Variants in SLC2A1 observed in about 807,000 individuals in gnomAD.
The protein encoded by SLC2A1 is solute carrier family 2 member 1.
Under a neutral mutation model 46.6 loss-of-function variants are expected in SLC2A1, and 4 were observed. That is an observed-to-expected ratio of 0.09 (90% CI 0.04 to 0.20). The LOEUF (loss-of-function observed/expected upper bound fraction) is 0.20, where lower values mean the gene tolerates loss of function less well. SLC2A1 is among the 10% of genes least tolerant of loss of function. SLC2A1 has a pLI of 1.00. For synonymous variants in SLC2A1, 253 were observed against 270.0 expected, an observed-to-expected ratio of 0.94 and a Z score of 0.62; for missense variants, 352 against 667.0, an observed-to-expected ratio of 0.53 and a Z score of 5.20.
rs1166067644 is a variant in SLC2A1, at chr1:42,945,738, C to CAAAAAAAAA, written c.19-2426_19-2418dup. 3.9e-3 allele frequency among the ~76,000 whole-genome samples: 447 copies of CAAAAAAAAA among 115,412 alleles called. 4 individuals are homozygous for CAAAAAAAAA. The highest frequency in any genetic ancestry group is 0.012 in the African/African-American group (421 of 35,142). The allele number at this position is 115,412 out of a possible 152,430, so 75.7% of individuals were successfully genotyped here. On this transcript the variant is annotated intron_variant, in intron 1 of 9. Coordinates refer to ENST00000426263, the MANE Select transcript of SLC2A1 (RefSeq NM_006516.4). ...CTGGGCGACAGAGCAGACTCTGTCT[C>CAAAAAAAAA]AAAAAAAAAAAAAAACAAAAAACAA...
rs1643437594 is a variant in SLC2A1 at position 42,927,305 on chromosome 1, G to A, written c.1279-64C>T. 1.3e-6 allele frequency: 2 copies of A among 1,488,730 alleles called. No individual in the cohort carries two copies. The highest frequency in any genetic ancestry group is 1.9e-6 in the Non-Finnish European group (2 of 1,069,758). The allele number at this position is 1,488,730 out of a possible 1,614,324, so 92.2% of individuals were successfully genotyped here. On this transcript the variant is annotated intron_variant, in intron 9 of 9. Transcript: ENST00000426263. This position sits in a 1 kb window ranked among gnomAD's most constrained non-coding sequence, Gnocchi z 5.3. Reference sequence around the variant, plus strand: ...CCTACATCCTGGCTGTAGGACTTTGGATAAGTCACTTTACCTTTGGGCCTT... The same window carrying A: ...CCTACATCCTGGCTGTAGGACTTTGAATAAGTCACTTTACCTTTGGGCCTT...
rs773791632 is a variant in SLC2A1, at chr1:42,943,236, G to A, written c.104C>T (p.Ala35Val). 6.2e-7 allele frequency: 1 copy of A among 1,610,842 alleles called. No homozygotes were observed. Among genetic ancestry groups the A allele is most frequent in the Non-Finnish European group, 8.5e-7 (1 of 1,177,290 alleles). ...QFGYNTGVIN[A>V]PQKVIEEFYN... ...TGGCACAGTACTCACCTTCTGGGGG[G>A]CATTGATGACTCCAGTGTTGTAGCC... The change falls in exon 2 of 10, where the codon GCC (alanine) becomes GTC (valine). Residue 35 changes from alanine to valine, a missense_variant. This residue lies in a region of SLC2A1 where 97 missense variants were observed against 175.6 expected (regional missense o/e 0.55). Transcript: ENST00000426263.
At chr1:42,945,760 A>G (rs9660872) in intron 1 of SLC2A1, among the ~76,000 whole-genome samples, 2 of 145,472 alleles carry the variant, frequency 1.4e-5, no homozygotes, top group South Asian at 4.5e-4. Flanking sequence ...AAAACAAAAA[A>G]CAAAAAACAA....
At chr1:42,948,618 C>A (rs1198281784) in intron 1 of SLC2A1, among the ~76,000 whole-genome samples, 1 of 152,166 alleles carries the variant, frequency 6.6e-6, no homozygotes, top group African/African-American at 2.4e-5. Flanking sequence ...TTTAAATGAA[C>A]TTCTGGGCAT....
Position 42,931,218 on chromosome 1 carries a change from G to C in SLC2A1, c.115-12C>G. 6.2e-7 allele frequency: 1 copy of C among 1,612,648 alleles called. No homozygotes were observed. ...AACTCCTCGATCACCTGCAGGGGGA[G>C]ATGCAGCCTGGGTGAGCAAGCCAGG... On this transcript the variant is annotated splice_polypyrimidine_tract_variant and intron_variant, in intron 2 of 9. Transcript: ENST00000426263.
rs758200582 is a variant in SLC2A1, at chr1:42,929,945, C to T, written c.607G>A (p.Val203Met). 7 of 1,614,010 alleles carry T rather than the reference C, an allele frequency of 4.3e-6. No individual in the cohort carries two copies. Among genetic ancestry groups the T allele is most frequent in the Middle Eastern group, 1.6e-4 (1 of 6,082 alleles). The stretch of plus-strand genomic sequence containing the variant: ...GGACTCTCGGGGCAGAAGGGCAGCA[C>T]GATGCACTGCAGCAGGGCCGGGATG... ...IFIPALLQCIVLPFCPESPRF... is the reference protein window; with the variant it reads ...IFIPALLQCIMLPFCPESPRF... The change falls in exon 5 of 10, where the codon GTG becomes ATG. Residue 203 changes from valine (V) to methionine (M), a missense_variant. Transcript: ENST00000426263. The surrounding 1 kb of genome is among the most constrained non-coding windows in gnomAD (Gnocchi z 6.0).
chr1:42,957,522 G>A (rs1643788856), intron 1 of SLC2A1, among the ~76,000 whole-genome samples: 1 of 152,116 alleles, frequency 6.6e-6, no homozygotes, highest in Non-Finnish European at 1.5e-5. Flanking sequence ...CCTCCCAGCT[G>A]ACGAGATGGA....
rs534113895 is a variant in SLC2A1, at chr1:42,929,895, G to A, written c.657C>T (p.Asn219=). The A allele has an allele frequency of 1.5e-5, 24 of 1,614,184 alleles. No individual in the cohort carries two copies. In the Admixed American group the frequency reaches 2.2e-4, roughly 15 times the overall value. The part of the protein sequence containing the change: ...ESPRFLLINR[N]EENRAKSVLK... ...TACCACTCTTGGCCCGGTTCTCCTC[G>A]TTGCGGTTGATGAGCAGGAAGCGGG... is the stretch of plus-strand genomic sequence containing the variant. Residue 219 remains asparagine, a synonymous_variant, in exon 5 of 10, where the codon AAC becomes AAT. Transcript: ENST00000426263. This position sits in a 1 kb window ranked among gnomAD's most constrained non-coding sequence, Gnocchi z 6.0.
chr1:42,947,592 A>C (rs937701622), intron 1 of SLC2A1, among the ~76,000 whole-genome samples: 5 of 150,396 alleles, frequency 3.3e-5, no homozygotes, highest in East Asian at 3.9e-4. Context: ...AAAAAAAAAA[A>C]AAAAAAAAAA....
chr1:42,947,904 G>A (rs1010331232), intron 1 of SLC2A1, among the ~76,000 whole-genome samples: 3 of 152,120 alleles, frequency 2.0e-5, no homozygotes, highest in African/African-American at 4.8e-5. Flanking sequence ...AACCCCTGAC[G>A]AGTGCTGGAA....
intron 2 of SLC2A1, among the ~76,000 whole-genome samples, chr1:42,936,534 G>T (rs841849): frequency 3.3e-5 from 5 of 151,990 alleles, no homozygotes; most frequent in African/African-American, 1.2e-4. Flanking sequence ...TTTGGGGCCT[G>T]GGGGAAGAGG....
At chr1:42,956,407 C>CAAAAAAAAAAAAAAAAAAAAAAAAAAAA (rs71577684) in intron 1 of SLC2A1, among the ~76,000 whole-genome samples, 4 of 44,504 alleles carry the variant, frequency 9.0e-5, no homozygotes, top group African/African-American at 4.2e-4. Context: ...ACTAAAACTA[C>CAAAAAAAAAAAAAAAAAAAAAAAAAAAA]AAAAAAAAAA....
At chr1:42,941,462 G>A (rs551650406) in intron 2 of SLC2A1, among the ~76,000 whole-genome samples, 13 of 152,078 alleles carry the variant, frequency 8.5e-5, no homozygotes, top group Admixed American at 8.5e-4. Context: ...TGCTTTGAAG[G>A]CCCCCTGCTC....
intron 2 of SLC2A1, among the ~76,000 whole-genome samples, chr1:42,933,765 T>G (rs1460394551): frequency 1.3e-5 from 2 of 151,656 alleles, no homozygotes; most frequent in Non-Finnish European, 2.9e-5. Context: ...GTCCAATCTT[T>G]CCTGACCCAT....
Position 42,927,100 on chromosome 1 carries a change from G to T in SLC2A1, c.1420C>A (p.Gln474Lys). 6.2e-7 allele frequency: 1 copy of T among 1,614,168 alleles called. No individual in the cohort carries two copies. The highest frequency in any genetic ancestry group is 8.5e-7 in the Non-Finnish European group (1 of 1,180,044). The change falls in exon 10 of 10, where the codon CAA becomes AAA. Residue 474 changes from glutamine to lysine, a missense_variant. By Grantham distance (53) the Gln-to-Lys change is moderately conservative. Coordinates refer to ENST00000426263, the MANE Select transcript of SLC2A1 (RefSeq NM_006516.4). This position sits in a 1 kb window ranked among gnomAD's most constrained non-coding sequence, Gnocchi z 5.3. ...ASGFRQGGAS[Q>K]SDKTPEELFH... ...AGCTCCTCGGGTGTCTTGTCACTTT[G>T]GCTGGCTCCCCCCTGCCGGAAGCCG...
intron 2 of SLC2A1, among the ~76,000 whole-genome samples, chr1:42,935,156 G>A (rs1431869710): frequency 6.6e-6 from 1 of 152,172 alleles, no homozygotes; most frequent in Non-Finnish European, 1.5e-5. Context: ...GCCTAGAGCT[G>A]AGGGGCTACT....
At position 42,930,835 on chromosome 1, in the gene SLC2A1, C is replaced by T; in HGVS notation, c.307G>A (p.Ala103Thr). ...RNSMLMMNLLAFVSAVLMGFS... is the reference protein window; with the variant it reads ...RNSMLMMNLLTFVSAVLMGFS... The stretch of plus-strand genomic sequence containing the variant: ...CCCATGAGCACGGCGGACACGAAGG[C>T]CAGCAGGTTCATCATCAGCATTGAA... Residue 103 changes from alanine (A) to threonine (T), a missense_variant, in exon 4 of 10, where the codon GCC (alanine) becomes ACC (threonine). This residue lies in a region of SLC2A1 where 97 missense variants were observed against 175.6 expected (regional missense o/e 0.55). Transcript: ENST00000426263. The surrounding 1 kb of genome is among the most constrained non-coding windows in gnomAD (Gnocchi z 6.2). The T allele has an allele frequency of 6.2e-7, 1 of 1,600,748 alleles. No homozygotes were observed. The highest frequency in any genetic ancestry group is 8.5e-7 in the Non-Finnish European group (1 of 1,179,914).
Position 42,958,627 on chromosome 1 carries a change from G to A in SLC2A1, c.18+7C>T, listed in dbSNP as rs1034169733. On this transcript the variant is annotated splice_region_variant and intron_variant, in intron 1 of 9. Coordinates refer to ENST00000426263, the MANE Select transcript of SLC2A1 (RefSeq NM_006516.4). The stretch of plus-strand genomic sequence containing the variant: ...CTGGCGGGAGGGCCCGCGGGCGCGC[G>A]ACTCACCTTGCTGCTGGGCTCCATG... 1.0e-5 allele frequency: 16 copies of A among 1,527,082 alleles called. No homozygotes were observed. The highest frequency in any genetic ancestry group is 1.4e-5 in the Non-Finnish European group (16 of 1,142,242). The allele number at this position is 1,527,082 out of a possible 1,614,324, so 94.6% of individuals were successfully genotyped here.
In SLC2A1 at chr1:42,927,341, A is replaced by C. The variant is rs528253716; in HGVS notation, c.1279-100T>G. Reference sequence around the variant, plus strand: ...TTACCTTTGGGCCTTTGAGCTGAAAAGGGAACATCCACCTACCCAGGGATG... The same window carrying C: ...TTACCTTTGGGCCTTTGAGCTGAAACGGGAACATCCACCTACCCAGGGATG... On this transcript the variant is annotated intron_variant, in intron 9 of 9. Transcript: ENST00000426263. This position sits in a 1 kb window ranked among gnomAD's most constrained non-coding sequence, Gnocchi z 5.3. 1 of 1,120,130 alleles carries C rather than the reference A, an allele frequency of 8.9e-7. No individual in the cohort carries two copies. The highest frequency in any genetic ancestry group is 1.9e-5 in the Admixed American group (1 of 52,828). 69.4% of individuals were successfully genotyped at this position (1,120,130 alleles called of 1,614,324 possible).
Sources: gnomAD v4.1 joint callset for allele counts (sites outside exome capture counted in the v4.1 genomes callset) on GRCh38, gnomAD v4.1.1 for gene constraint, gnomAD v4.1.1 regional missense constraint, Gnocchi (gnomAD v3.1) non-coding constraint, MANE v1.5 for transcripts, NCBI Gene and HGNC (gene_info 2026-07-23, HGNC 2026-07-21) for gene names.